TBC1D24: variants seen among roughly 807,000 people sequenced by gnomAD.
The protein encoded by TBC1D24 is Infantile myoclonic epilepsy.
TBC1D24 carries 47 observed loss-of-function variants against 50.7 expected under a neutral mutation model. The observed-to-expected ratio is 0.93, with a 90% CI of 0.73 to 1.18. The LOEUF (loss-of-function observed/expected upper bound fraction) is 1.18. Ranked by LOEUF, TBC1D24 falls within the 50% of genes most tolerant of loss-of-function variation. The pLI, the probability that TBC1D24 is intolerant of heterozygous loss-of-function variation, is 0.00. For missense variants in TBC1D24, 688 were observed against 766.5 expected (o/e 0.90, Z 1.21); for synonymous variants, 324 against 335.2 (o/e 0.97, Z 0.36).
intron 1 of TBC1D24, among the ~76,000 whole-genome samples, chr16:2,490,215 G>A (rs2065684637): frequency 6.6e-6 from 1 of 152,188 alleles, no homozygotes; most frequent in African/African-American, 2.4e-5. Flanking sequence ...TGGGTGTCAG[G>A]TGGAATTTTT....
At chr16:2,494,411 C>CA (rs1350473333) in intron 1 of TBC1D24, among the ~76,000 whole-genome samples, 5,458 of 117,794 alleles carry the variant, frequency 0.046, 302 homozygotes, top group African/African-American at 0.14. Flanking sequence ...GACTCTGTCT[C>CA]AAAAAAAAAA....
At chr16:2,498,595 A>C (rs1327175361) in intron 4 of TBC1D24, among the ~76,000 whole-genome samples, 199 bp downstream of exon 4, 1 of 152,180 alleles carries the variant, frequency 6.6e-6, no homozygotes, top group Non-Finnish European at 1.5e-5. Context: ...GGCGTGCCAC[A>C]GCTTGGGGCC....
rs77612821 is a variant in TBC1D24 at position 2,489,569 on chromosome 16, G to A, written c.-115-6465G>A. Among the ~76,000 whole-genome samples the A allele has an allele frequency of 0.013, 2,039 of 152,348 alleles. 97 individuals carry two copies. The East Asian group carries it at 0.15, about 11-fold the overall frequency. ...GAAAGGCCATGTAGGTCCCTGGAGA[G>A]GCTTCCCGGGTGAGAAAGAAGCCGC... On this transcript the variant is annotated intron_variant, in intron 1 of 7. Transcript: ENST00000646147.
chr16:2,484,640 G>A (rs1026591903), intron 1 of TBC1D24: 2 of 152,300 alleles, frequency 1.3e-5, no homozygotes, highest in African/African-American at 4.8e-5. Context: ...CAGAAAGAAC[G>A]GGTACACCTG....
chr16:2,475,432 CG>C lies in TBC1D24; in HGVS notation c.-116+264del, dbSNP rs142164250. On this transcript the variant is annotated intron_variant, in intron 1 of 7. Coordinates refer to ENST00000646147, the MANE Select transcript of TBC1D24 (RefSeq NM_001199107.2). This position sits in a 1 kb window ranked among gnomAD's most constrained non-coding sequence, Gnocchi z 4.2. ...CTGGGCGCGAGGCCCGATCCCCGCC[CG>C]GTCGCTGGCCCGCGGCCCGGCCCAG... Among the ~76,000 whole-genome samples, 469 of 151,968 alleles carry C rather than the reference CG, an allele frequency of 3.1e-3. 3 individuals are homozygous for C. The highest frequency in any genetic ancestry group is 0.01 in the African/African-American group (426 of 41,510).
rs201374999 is a variant in TBC1D24, at chr16:2,496,352, G to A, written c.204G>A (p.Thr68=). 1.1e-3 allele frequency: 1,720 copies of A among 1,613,474 alleles called. 11 individuals carry two copies. The highest frequency in any genetic ancestry group is 7.3e-3 in the South Asian group (669 of 91,088). The change falls in exon 2 of 8, where the codon ACG becomes ACA. Residue 68 remains threonine, a synonymous_variant. Coordinates refer to ENST00000646147, the MANE Select transcript of TBC1D24 (RefSeq NM_001199107.2). ...GGGACATTCCCTGCCGCACGGTCAC[G>A]CCTGACGCCAGCGTGTACAGCGACA... The part of the protein sequence containing the change: ...LIRDIPCRTV[T]PDASVYSDIV...
Position 2,498,296 on chromosome 16 carries a change from A to G in TBC1D24, c.1042A>G (p.Arg348Gly), listed in dbSNP as rs774467718. 1.2e-6 allele frequency: 2 copies of G among 1,611,668 alleles called. No individual in the cohort carries two copies. Among genetic ancestry groups the G allele is most frequent in the South Asian group, 2.2e-5 (2 of 90,420 alleles). The change falls in exon 4 of 8, where the codon AGG becomes GGG. Residue 348 changes from arginine to glycine, a missense_variant. Arg to Gly is a moderately radical substitution (Grantham distance 125). Transcript: ENST00000646147. Reference protein sequence around the residue: ...ENFRSEIVSVREMRDIWSWVP... With the variant: ...ENFRSEIVSVGEMRDIWSWVP... ...CTTCCGCTCGGAGATCGTCAGCGTG[A>G]GGGAGATGAGAGACATCTGGTCCTG...
In TBC1D24 at chr16:2,485,075, C is replaced by T. The variant is rs1241075109; in HGVS notation, c.-116+9905C>T. 5 of 152,264 alleles carry T rather than the reference C, an allele frequency of 3.3e-5. No homozygotes were observed. The East Asian group carries it at 9.6e-4, about 29-fold the overall frequency. The allele number at this position is 152,264 out of a possible 1,614,324, so 9.4% of individuals were successfully genotyped here. ...TTCTTCCAGCCTCCCTCCACCTACTCTCCCAGCACCTCTGTGATGTTGTGA... is the reference window on the plus strand; with the variant it reads ...TTCTTCCAGCCTCCCTCCACCTACTTTCCCAGCACCTCTGTGATGTTGTGA... On this transcript the variant is annotated intron_variant, in intron 1 of 7. Coordinates refer to ENST00000646147, the MANE Select transcript of TBC1D24 (RefSeq NM_001199107.2). The surrounding 1 kb of genome is among the most constrained non-coding windows in gnomAD (Gnocchi z 4.6).
chr16:2,500,040 C>A lies in TBC1D24; in HGVS notation c.1302+110C>A, dbSNP rs2065778076. ...TGTTGGGTGTCGCCATGGCAGTCAC[C>A]CAGCAGCGTCATCGCCCTGTGTGCT... On this transcript the variant is annotated intron_variant, in intron 6 of 7. Transcript: ENST00000646147. The surrounding 1 kb of genome is among the most constrained non-coding windows in gnomAD (Gnocchi z 8.0). 9.3e-7 allele frequency: 1 copy of A among 1,071,440 alleles called. No individual in the cohort carries two copies. The highest frequency in any genetic ancestry group is 1.5e-5 in the African/African-American group (1 of 64,560). 66.4% of individuals were successfully genotyped at this position (1,071,440 alleles called of 1,614,324 possible). A position where few individuals can be genotyped will look rare whatever the true frequency, so the allele number is the denominator to read the frequency against.
intron 1 of TBC1D24, among the ~76,000 whole-genome samples, chr16:2,493,139 T>A (rs966797666): frequency 6.6e-6 from 1 of 151,160 alleles, no homozygotes; most frequent in Non-Finnish European, 1.5e-5. Flanking sequence ...AATTTTTTGT[T>A]TGTTTGTTTG....
At position 2,500,667 on chromosome 16, in the gene TBC1D24, TG is replaced by T; in HGVS notation, c.1526-132del. ...AGAGACCAGCCTGGACAGCTGGTCC[TG>T]GGGGCTATGGAGGGTCAACGGTCTG... On this transcript the variant is annotated intron_variant, in intron 7 of 7. Transcript: ENST00000646147. This position sits in a 1 kb window ranked among gnomAD's most constrained non-coding sequence, Gnocchi z 8.0. 3 of 1,348,568 alleles carry T rather than the reference TG, an allele frequency of 2.2e-6. No individual in the cohort carries two copies. Among genetic ancestry groups the T allele is most frequent in the Non-Finnish European group, 3.0e-6 (3 of 1,000,030 alleles). The allele number at this position is 1,348,568 out of a possible 1,614,324, so 83.5% of individuals were successfully genotyped here. A position where few individuals can be genotyped will look rare whatever the true frequency, so the allele number is the denominator to read the frequency against.
rs1361332903 is a variant in TBC1D24, at chr16:2,496,656, G to A, written c.508G>A (p.Asp170Asn). 6 of 1,612,824 alleles carry A rather than the reference G, an allele frequency of 3.7e-6. 1 individual carries two copies. The highest frequency in any genetic ancestry group is 3.3e-5 in the South Asian group (3 of 91,070). ...CAATGACCCCGGCAGGAGGCTGATCGACCAGAGCTTCCTGGCCTTTGAGTC... is the reference window on the plus strand; with the variant it reads ...CAATGACCCCGGCAGGAGGCTGATCAACCAGAGCTTCCTGGCCTTTGAGTC... Reference protein sequence around the residue: ...ACNDPGRRLIDQSFLAFESSC... With the variant: ...ACNDPGRRLINQSFLAFESSC... The change falls in exon 2 of 8, where the codon GAC (aspartate) becomes AAC (asparagine). Residue 170 changes from aspartate to asparagine, a missense_variant. Coordinates refer to ENST00000646147, the MANE Select transcript of TBC1D24 (RefSeq NM_001199107.2).
chr16:2,499,608 TCCCCAACACAGC>T lies in TBC1D24; in HGVS notation c.1206+193_1206+204del, dbSNP rs1327303851. Among the ~76,000 whole-genome samples, 2 of 151,912 alleles carry T rather than the reference TCCCCAACACAGC, an allele frequency of 1.3e-5. No homozygotes were observed. The highest frequency in any genetic ancestry group is 1.3e-4 in the Admixed American group (2 of 15,266). On this transcript the variant is annotated intron_variant, in intron 5 of 7. Coordinates refer to ENST00000646147, the MANE Select transcript of TBC1D24 (RefSeq NM_001199107.2). This position sits in a 1 kb window ranked among gnomAD's most constrained non-coding sequence, Gnocchi z 4.0. Reference sequence around the variant, plus strand: ...AGGGCCACAAGGGGAAATGAGACTATCCCCAACACAGCCCCCGCCCACCCTCATTGCCAGCCC... The same window carrying T: ...AGGGCCACAAGGGGAAATGAGACTATCCCCGCCCACCCTCATTGCCAGCCC...
chr16:2,500,617 G>A lies in TBC1D24; in HGVS notation c.1525+127G>A. ...CTGGGTGTCAGGGTGGACCAGGCAT[G>A]ATGGGTGGGAGGGGGCTGGAAGGGA... On this transcript the variant is annotated intron_variant, in intron 7 of 7. Coordinates refer to ENST00000646147, the MANE Select transcript of TBC1D24 (RefSeq NM_001199107.2). The surrounding 1 kb of genome is among the most constrained non-coding windows in gnomAD (Gnocchi z 8.0). 1 of 1,295,798 alleles carries A rather than the reference G, an allele frequency of 7.7e-7. No homozygotes were observed. Among genetic ancestry groups the A allele is most frequent in the South Asian group, 1.4e-5 (1 of 70,886 alleles). The allele number at this position is 1,295,798 out of a possible 1,614,324, so 80.3% of individuals were successfully genotyped here.
In TBC1D24 at chr16:2,487,023, T is replaced by C. The variant is rs558585638; in HGVS notation, c.-115-9011T>C. Among the ~76,000 whole-genome samples, 21 of 152,346 alleles carry C rather than the reference T, an allele frequency of 1.4e-4. No individual in the cohort carries two copies. The highest frequency in any genetic ancestry group is 4.1e-4 in the African/African-American group (17 of 41,580). ...AGGGGGATTTTTGTAAACGCAGATC[T>C]GATCGGGTCACCTGCCTAGACTTTC... On this transcript the variant is annotated intron_variant, in intron 1 of 7. Coordinates refer to ENST00000646147, the MANE Select transcript of TBC1D24 (RefSeq NM_001199107.2). The surrounding 1 kb of genome is among the most constrained non-coding windows in gnomAD (Gnocchi z 4.1).
chr16:2,492,963 A>G (rs1021060727), intron 1 of TBC1D24, among the ~76,000 whole-genome samples: 2 of 151,830 alleles, frequency 1.3e-5, no homozygotes, highest in African/African-American at 4.8e-5. Context: ...GTGGTGGCAC[A>G]TGCCTGTAAT....
rs111374362 is a variant in TBC1D24 at position 2,487,787 on chromosome 16, G to A, written c.-115-8247G>A. ...GGGGTGGCCTGTGTCTCCAGGACTC[G>A]TGGGAGGGCCCTGGTACTAGAAGTG... On this transcript the variant is annotated intron_variant, in intron 1 of 7. Coordinates refer to ENST00000646147, the MANE Select transcript of TBC1D24 (RefSeq NM_001199107.2). The surrounding 1 kb of genome is among the most constrained non-coding windows in gnomAD (Gnocchi z 4.1). Among the ~76,000 whole-genome samples, 3,236 of 152,250 alleles carry A rather than the reference G, an allele frequency of 0.021. 112 individuals are homozygous for A. Among genetic ancestry groups the A allele is most frequent in the African/African-American group, 0.072 (2,985 of 41,536 alleles).
rs1038532945 is a variant in TBC1D24 at position 2,475,694 on chromosome 16, G to A, written c.-116+524G>A. ...AGCCCCCGGCCCTGTCCAGTGGGGG[G>A]CCCCTCTGGGTGCGCCGTGCCAGGC... On this transcript the variant is annotated intron_variant, in intron 1 of 7. Transcript: ENST00000646147. The surrounding 1 kb of genome is among the most constrained non-coding windows in gnomAD (Gnocchi z 4.2). 6.6e-6 allele frequency among the ~76,000 whole-genome samples: 1 copy of A among 152,136 alleles called. No individual in the cohort carries two copies. The highest frequency in any genetic ancestry group is 2.4e-5 in the African/African-American group (1 of 41,432).
chr16:2,500,030 T>C lies in TBC1D24; in HGVS notation c.1302+100T>C, dbSNP rs969424795. 8.8e-7 allele frequency: 1 copy of C among 1,133,618 alleles called. No homozygotes were observed. The highest frequency in any genetic ancestry group is 1.5e-5 in the African/African-American group (1 of 65,714). 70.2% of individuals were successfully genotyped at this position (1,133,618 alleles called of 1,614,324 possible). A position where few individuals can be genotyped will look rare whatever the true frequency, so the allele number is the denominator to read the frequency against. On this transcript the variant is annotated intron_variant, in intron 6 of 7. Coordinates refer to ENST00000646147, the MANE Select transcript of TBC1D24 (RefSeq NM_001199107.2). The surrounding 1 kb of genome is among the most constrained non-coding windows in gnomAD (Gnocchi z 8.0). Reference sequence around the variant, plus strand: ...CTGGGGACACTGTTGGGTGTCGCCATGGCAGTCACCCAGCAGCGTCATCGC... The same window carrying C: ...CTGGGGACACTGTTGGGTGTCGCCACGGCAGTCACCCAGCAGCGTCATCGC...
Sources: gnomAD v4.1 joint callset for allele counts (sites outside exome capture counted in the v4.1 genomes callset) on GRCh38, gnomAD v4.1.1 for gene constraint, Gnocchi (gnomAD v3.1) non-coding constraint, MANE v1.5 for transcripts, NCBI Gene and HGNC (gene_info 2026-07-23, HGNC 2026-07-21) for gene names.